FBXO10: variants seen among roughly 807,000 people sequenced by gnomAD.
FBXO10 encodes F-box protein 10.
In FBXO10, 39 loss-of-function variants were observed where a neutral mutation model predicts 80.7. The ratio of observed to expected loss-of-function variants is 0.48; its 90% CI spans 0.37 to 0.63. FBXO10 has a LOEUF of 0.63. FBXO10 is among the 30% of genes least tolerant of loss of function. The probability of loss-of-function intolerance (pLI) is 0.00; values close to 1 mark genes in which losing one functional copy is unlikely to be tolerated. For synonymous variants in FBXO10, 449 were observed against 489.6 expected (o/e 0.92, Z 1.09); for missense variants, 1,025 against 1,269.0 (o/e 0.81, Z 2.92).
intron 6 of FBXO10, among the ~76,000 whole-genome samples, chr9:37,523,396 C>CA (rs35089754): frequency 0.57 from 86,179 of 151,532 alleles, 26,211 homozygotes; most frequent in Middle Eastern, 0.71. Flanking sequence ...AAAAAAAATA[C>CA]AAAAAAAATT....
In FBXO10 at chr9:37,537,217, G is replaced by A. The variant is rs771838111; in HGVS notation, c.1312C>T (p.Arg438Trp). The change falls in exon 3 of 11, where the codon CGG becomes TGG. Residue 438 changes from arginine (R) to tryptophan (W), a missense_variant. Coordinates refer to ENST00000432825, the MANE Select transcript of FBXO10 (RefSeq NM_012166.3). ...ACGAAGACGCCTCCCTTCCCGTCCC[G>A]GAAGAGGCACTTGCGGATGAGGCAG... ...QGCLIRKCLF[R>W]DGKGGVFVCS... 4 of 1,613,938 alleles carry A rather than the reference G, an allele frequency of 2.5e-6. No homozygotes were observed. Among genetic ancestry groups the A allele is most frequent in the East Asian group, 2.2e-5 (1 of 44,872 alleles).
intron 6 of FBXO10, among the ~76,000 whole-genome samples, chr9:37,523,873 C>T (rs1219405762): frequency 6.6e-5 from 10 of 152,156 alleles, no homozygotes; most frequent in South Asian, 2.1e-4. Context: ...GCCGAGATCG[C>T]GCCATTGCAC....
rs755920332 is a variant in FBXO10, at chr9:37,516,094, G to C, written c.2515-9C>G. The C allele has an allele frequency of 1.9e-6, 3 of 1,607,616 alleles. No individual in the cohort carries two copies. Among genetic ancestry groups the C allele is most frequent in the South Asian group, 2.2e-5 (2 of 90,432 alleles). On this transcript the variant is annotated splice_polypyrimidine_tract_variant and intron_variant, in intron 9 of 10. Coordinates refer to ENST00000432825, the MANE Select transcript of FBXO10 (RefSeq NM_012166.3). ...ATCCGGTTCTTTATTACCTGGGAGA[G>C]GCAGCCAGAGATTGTCACACCTCAG...
At chr9:37,531,537 C>G (rs1249366073) in intron 4 of FBXO10, among the ~76,000 whole-genome samples, 1 of 152,206 alleles carries the variant, frequency 6.6e-6, no homozygotes, top group Admixed American at 6.5e-5. Flanking sequence ...AATAAACTAA[C>G]TTGGTGGGTT....
chr9:37,513,654 A>G (rs943025494), intron 10 of FBXO10, among the ~76,000 whole-genome samples: 2 of 151,776 alleles, frequency 1.3e-5, no homozygotes, highest in Non-Finnish European at 2.9e-5. Flanking sequence ...CAGTAGTGTG[A>G]TCTGGGTTCA....
intron 2 of FBXO10, among the ~76,000 whole-genome samples, chr9:37,539,616 T>C (rs1310397651): frequency 6.6e-6 from 1 of 152,234 alleles, no homozygotes; most frequent in African/African-American, 2.4e-5. Flanking sequence ...ACATTATTTC[T>C]TTCTAGAAAC....
In FBXO10 at chr9:37,518,432, C is replaced by T. The variant is rs1821241748; in HGVS notation, c.2207G>A (p.Gly736Glu). 6.3e-7 allele frequency: 1 copy of T among 1,590,884 alleles called. No individual in the cohort carries two copies. Among genetic ancestry groups the T allele is most frequent in the South Asian group, 1.2e-5 (1 of 86,852 alleles). The change falls in exon 9 of 11, where the codon GGA becomes GAA. Residue 736 changes from glycine (G) to glutamate (E), a missense_variant. Gly to Glu is a moderately conservative substitution (Grantham distance 98). This residue lies in a region of FBXO10 where 478 missense variants were observed against 667.8 expected (regional missense o/e 0.72). Transcript: ENST00000432825. ...SNSINHNGASGLYVQSSEALH... is the reference protein window; with the variant it reads ...SNSINHNGASELYVQSSEALH... ...TGCCTCGCTGCTCTGGACATAGAGT[C>T]CTGAGGCTATGGGTGGAAGGGTTGG...
At chr9:37,531,753 G>A (rs1434440230) in intron 4 of FBXO10, among the ~76,000 whole-genome samples, 156 bp downstream of exon 4, 1 of 152,188 alleles carries the variant, frequency 6.6e-6, no homozygotes, top group Non-Finnish European at 1.5e-5. Context: ...TACACAGACA[G>A]AGACACAGAG....
At chr9:37,542,001 G>A (rs1262162194) in intron 1 of FBXO10, among the ~76,000 whole-genome samples, 1 of 151,976 alleles carries the variant, frequency 6.6e-6, no homozygotes, top group African/African-American at 2.4e-5. Context: ...AGCTAATTTT[G>A]TATTTTTAGT....
intron 1 of FBXO10, among the ~76,000 whole-genome samples, chr9:37,554,750 T>C (rs1036762787): frequency 2.6e-5 from 4 of 152,260 alleles, no homozygotes; most frequent in African/African-American, 9.6e-5. Context: ...ATTCATTCAT[T>C]TCATTGCATG....
chr9:37,521,908 G>A, intron 7 of FBXO10, 70 bp from the exon 8 acceptor site: 1 of 1,472,062 alleles, frequency 6.8e-7, no homozygotes, highest in Non-Finnish European at 9.0e-7. Context: ...CTCCCTGAGA[G>A]GGGAAACAAA....
chr9:37,559,881 T>C lies in FBXO10; in HGVS notation c.-7+16330A>G, dbSNP rs143980569. Reference sequence around the variant, plus strand: ...AACACCATGCATGAAAAATACACCTTTGTTTGGGTTAAGGCACTAAGAACT... The same window carrying C: ...AACACCATGCATGAAAAATACACCTCTGTTTGGGTTAAGGCACTAAGAACT... On this transcript the variant is annotated intron_variant, in intron 1 of 10. Coordinates refer to ENST00000432825, the MANE Select transcript of FBXO10 (RefSeq NM_012166.3). Among the ~76,000 whole-genome samples, 535 of 152,264 alleles carry C rather than the reference T, an allele frequency of 3.5e-3. 4 individuals are homozygous for C. The highest frequency in any genetic ancestry group is 0.016 in the South Asian group (75 of 4,824).
intron 1 of FBXO10, among the ~76,000 whole-genome samples, chr9:37,563,363 C>T (rs1021901095): frequency 6.6e-6 from 1 of 152,052 alleles, no homozygotes; most frequent in African/African-American, 2.4e-5. Flanking sequence ...TGTAAAGATA[C>T]CTGAAATGTG....
At chr9:37,548,351 C>T (rs1181425241) in intron 1 of FBXO10, among the ~76,000 whole-genome samples, 1 of 152,126 alleles carries the variant, frequency 6.6e-6, no homozygotes, top group African/African-American at 2.4e-5. Flanking sequence ...TGCCACTGCA[C>T]TCCAGCCTGG....
In FBXO10 at chr9:37,518,997, C is replaced by T. The variant is rs535926237; in HGVS notation, c.2201-559G>A. Reference sequence around the variant, plus strand: ...CCATCTCGGCTCACTACAAGCTCCGCCTCCCGGGTTCACACCATTCTTCTG... The same window carrying T: ...CCATCTCGGCTCACTACAAGCTCCGTCTCCCGGGTTCACACCATTCTTCTG... On this transcript the variant is annotated intron_variant, in intron 8 of 10. Coordinates refer to ENST00000432825, the MANE Select transcript of FBXO10 (RefSeq NM_012166.3). Among the ~76,000 whole-genome samples the T allele has an allele frequency of 2.2e-3, 341 of 152,072 alleles. 5 individuals carry two copies. Among genetic ancestry groups the T allele is most frequent in the South Asian group, 1.0e-2 (48 of 4,822 alleles).
chr9:37,560,956 C>T (rs1289959692), intron 1 of FBXO10, among the ~76,000 whole-genome samples: 1 of 152,096 alleles, frequency 6.6e-6, no homozygotes, highest in Non-Finnish European at 1.5e-5. Flanking sequence ...TCCAGGCTAA[C>T]ACGGTGAAAC....
intron 1 of FBXO10, among the ~76,000 whole-genome samples, chr9:37,550,310 G>A (rs1218899326): frequency 6.8e-6 from 1 of 146,812 alleles, no homozygotes; most frequent in Non-Finnish European, 1.5e-5. Flanking sequence ...AGCCTCCTGA[G>A]TAGCTGGTAT....
chr9:37,521,487 TAA>T (rs1300546723), intron 8 of FBXO10, 80 bp downstream of exon 8: 3 of 1,357,708 alleles, frequency 2.2e-6, no homozygotes, highest in Non-Finnish European at 2.9e-6. Context: ...TAAATTAAAT[TAA>T]AAGTTTTAAA....
At chr9:37,527,199 G>A (rs575558667) in intron 5 of FBXO10, among the ~76,000 whole-genome samples, 1 of 152,300 alleles carries the variant, frequency 6.6e-6, no homozygotes, top group African/African-American at 2.4e-5. Flanking sequence ...AGGGCCTGTG[G>A]TTACACTGGG....
Sources: gnomAD v4.1 joint callset for allele counts (sites outside exome capture counted in the v4.1 genomes callset) on GRCh38, gnomAD v4.1.1 for gene constraint, gnomAD v4.1.1 regional missense constraint, MANE v1.5 for transcripts, NCBI Gene and HGNC (gene_info 2026-07-23, HGNC 2026-07-21) for gene names.